The following NBAS variants were observed in gnomAD, a reference collection of about 807,000 sequenced individuals.
The protein encoded by NBAS is NAG/BC035112 fusion.
In NBAS, 219 loss-of-function variants were observed where a neutral mutation model predicts 302.5. The ratio of observed to expected loss-of-function variants is 0.72; its 90% CI spans 0.65 to 0.81. The LOEUF is 0.81. Ranked by LOEUF, NBAS falls within the 30% of genes least tolerant of loss-of-function variation. NBAS has a pLI of 0.00. For missense variants in NBAS, 2,932 were observed against 2,841.6 expected (o/e 1.03, Z -0.72); for synonymous variants, 1,118 against 1,021.6 (o/e 1.09, Z -1.80).
intron 27 of NBAS, among the ~76,000 whole-genome samples, chr2:15,395,892 T>C (rs1009449041): frequency 6.6e-6 from 1 of 152,114 alleles, no homozygotes; most frequent in Non-Finnish European, 1.5e-5. Flanking sequence ...TAGTTTAACA[T>C]TTTATTACAA....
the NBAS span, among the ~76,000 whole-genome samples, chr2:14,789,518 G>T: frequency 6.6e-6 from 1 of 152,128 alleles, no homozygotes; most frequent in Admixed American, 6.5e-5. Flanking sequence ...TATTTTAGGG[G>T]TATTCAGGCC....
At chr2:14,788,991 G>T in the NBAS span, among the ~76,000 whole-genome samples, 1 of 149,148 alleles carries the variant, frequency 6.7e-6, no homozygotes, top group African/African-American at 2.5e-5. Context: ...CCACCCAGTT[G>T]GAGCTTCCTG....
intron 48 of NBAS, among the ~76,000 whole-genome samples, chr2:15,202,210 C>T (rs915843893): frequency 6.6e-6 from 1 of 152,208 alleles, no homozygotes; most frequent in Non-Finnish European, 1.5e-5. Context: ...TCTAAACACA[C>T]AGAATCCAAC....
the NBAS span, among the ~76,000 whole-genome samples, chr2:14,792,467 T>C: frequency 6.6e-6 from 1 of 152,046 alleles, no homozygotes; most frequent in Admixed American, 6.6e-5. Context: ...TTGCTGACAG[T>C]ATTGGGAGGG....
chr2:14,976,960 A>G, the NBAS span, among the ~76,000 whole-genome samples: 2 of 152,232 alleles, frequency 1.3e-5, no homozygotes. Flanking sequence ...TGTTGATTCA[A>G]GTCATAAAGT....
chr2:15,161,287 C>T, the NBAS span, among the ~76,000 whole-genome samples: 4 of 152,102 alleles, frequency 2.6e-5, no homozygotes, highest in African/African-American at 4.8e-5. Context: ...CACATATAGG[C>T]GCTCAGTATA....
chr2:15,338,164 C>T (rs556605551), intron 35 of NBAS, among the ~76,000 whole-genome samples: 2 of 152,270 alleles, frequency 1.3e-5, no homozygotes, highest in East Asian at 1.9e-4. Flanking sequence ...TGTTGGTCAA[C>T]GACTATGACA....
chr2:15,415,610 A>G lies in NBAS; in HGVS notation c.2873T>C (p.Leu958Ser), dbSNP rs767508622. The change falls in exon 25 of 52, where the codon TTA becomes TCA. Residue 958 changes from leucine (L) to serine (S), a missense_variant. Coordinates refer to ENST00000281513, the MANE Select transcript of NBAS (RefSeq NM_015909.4). ...GVANELLKEY[L>S]VTLAKGDLKF... ...TAAGTCCCCTTTAGCTAAAGTTACT[A>G]AATATTCTTTTAATAGCTCATTAGC... The G allele has an allele frequency of 1.9e-6, 3 of 1,614,032 alleles. No homozygotes were observed. Among genetic ancestry groups the G allele is most frequent in the Non-Finnish European group, 2.5e-6 (3 of 1,179,924 alleles).
chr2:15,241,732 T>A (rs951652109), intron 44 of NBAS, among the ~76,000 whole-genome samples: 4 of 152,210 alleles, frequency 2.6e-5, no homozygotes, highest in African/African-American at 9.6e-5. Context: ...ACATGTGCCA[T>A]CCTCTCCCGT....
chr2:15,371,565 T>G (rs140821042), intron 31 of NBAS, among the ~76,000 whole-genome samples: 9 of 152,190 alleles, frequency 5.9e-5, no homozygotes, highest in African/African-American at 2.2e-4. Context: ...CTGAGAAATG[T>G]GAAGCTCAAA....
intron 25 of NBAS, among the ~76,000 whole-genome samples, chr2:15,411,640 A>G (rs1676691054): frequency 3.3e-5 from 5 of 152,214 alleles, no homozygotes; most frequent in African/African-American, 7.2e-5. Flanking sequence ...TGAAGAAAAA[A>G]GATGGCACCT....
the NBAS span, among the ~76,000 whole-genome samples, chr2:15,122,214 G>A: frequency 2.6e-5 from 4 of 151,586 alleles, no homozygotes; most frequent in African/African-American, 9.7e-5. Flanking sequence ...AGGTTTAATT[G>A]GCTCATGATT....
the NBAS span, among the ~76,000 whole-genome samples, chr2:14,895,602 G>C: frequency 4.2e-3 from 642 of 152,244 alleles, 5 homozygotes; most frequent in African/African-American, 0.015. Flanking sequence ...AGCCGGGTGT[G>C]GTAGCGGGCG....
chr2:15,345,160 C>A (rs1305855651), intron 35 of NBAS, among the ~76,000 whole-genome samples: 1 of 152,074 alleles, frequency 6.6e-6, no homozygotes, highest in Non-Finnish European at 1.5e-5. Context: ...CTGACCAGGG[C>A]AACCAGGCAA....
chr2:15,002,929 C>T, the NBAS span, among the ~76,000 whole-genome samples: 5 of 152,254 alleles, frequency 3.3e-5, no homozygotes, highest in Non-Finnish European at 7.3e-5. Context: ...TCCACACCTC[C>T]CTGCAAGCTG....
At chr2:14,831,954 C>G in the NBAS span, among the ~76,000 whole-genome samples, 8 of 152,162 alleles carry the variant, frequency 5.3e-5, no homozygotes, top group East Asian at 1.3e-3. Context: ...TTCTTTCTAG[C>G]CAATCAGTCA....
intron 29 of NBAS, 42 bp from the exon 30 acceptor site, chr2:15,379,873 G>C (rs1674948920): frequency 3.9e-6 from 6 of 1,543,446 alleles, no homozygotes; most frequent in Non-Finnish European, 4.5e-6. Context: ...AGAGAGGGAA[G>C]ATTCAGTTCT....
intron 21 of NBAS, among the ~76,000 whole-genome samples, chr2:15,440,372 C>G (rs533534912): frequency 6.6e-6 from 1 of 152,214 alleles, no homozygotes; most frequent in Non-Finnish European, 1.5e-5. Context: ...ATTCTGCAGA[C>G]ACCGCTGCTG....
the NBAS span, among the ~76,000 whole-genome samples, chr2:15,037,485 C>T: frequency 3.5e-4 from 53 of 152,296 alleles, no homozygotes; most frequent in African/African-American, 1.3e-3. Flanking sequence ...CAAAATTGCT[C>T]GCTGCTCAGG....
Sources: gnomAD v4.1 joint callset for allele counts (sites outside exome capture counted in the v4.1 genomes callset) on GRCh38, gnomAD v4.1.1 for gene constraint, MANE v1.5 for transcripts, NCBI Gene and HGNC (gene_info 2026-07-23, HGNC 2026-07-21) for gene names.